The following ATAD3A variants were observed in gnomAD, a reference collection of about 807,000 sequenced individuals.
ATAD3A encodes ATPase family AAA domain-containing protein 3A.
A neutral mutation model predicts 73.8 loss-of-function variants in ATAD3A; 46 were observed. The observed-to-expected ratio is 0.62, with a 90% CI of 0.49 to 0.80. ATAD3A has a LOEUF of 0.80. ATAD3A is among the 30% of genes least tolerant of loss of function. The probability of loss-of-function intolerance (pLI) is 0.00; values close to 1 mark genes in which losing one functional copy is unlikely to be tolerated. For synonymous variants in ATAD3A, 319 were observed against 350.0 expected (o/e 0.91, Z 0.99); for missense variants, 705 against 838.0 (o/e 0.84, Z 1.96).
Position 1,530,844 on chromosome 1 carries a change from AAAAAAAAAAAACT to A in ATAD3A, c.1614+1516_1614+1528del, listed in dbSNP as rs1256501588. Among the ~76,000 whole-genome samples, 344 of 99,916 alleles carry A rather than the reference AAAAAAAAAAAACT, an allele frequency of 3.4e-3. 41 individuals are homozygous for A. The African/African-American group carries it at 0.047, about 14-fold the overall frequency. 65.5% of individuals were successfully genotyped at this position (99,916 alleles called of 152,430 possible). A position where few individuals can be genotyped will look rare whatever the true frequency, so the allele number is the denominator to read the frequency against. On this transcript the variant is annotated intron_variant, in intron 15 of 15. Coordinates refer to ENST00000378756, the MANE Select transcript of ATAD3A (RefSeq NM_001170535.3). ...ACTCCGTCTCAAAAAAAAAAAAAAA[AAAAAAAAAAAACT>A]AAGAATAATTTGGAACGAGTGCGGT...
At chr1:1,516,309 C>T (rs1309575114) in intron 2 of ATAD3A, among the ~76,000 whole-genome samples, 2 of 151,732 alleles carry the variant, frequency 1.3e-5, no homozygotes, top group South Asian at 2.1e-4. Context: ...TTGGTGAGGG[C>T]GTCTGGTCGT....
intron 1 of ATAD3A, 26 bp from the exon 2 acceptor site, chr1:1,515,986 T>C (rs1273880232): frequency 6.2e-6 from 10 of 1,613,506 alleles, no homozygotes; most frequent in African/African-American, 1.3e-5. Context: ...TCCTAACACC[T>C]GCCCTCCGTG....
intron 7 of ATAD3A, among the ~76,000 whole-genome samples, chr1:1,521,404 C>T (rs953634579): frequency 4.7e-5 from 7 of 149,850 alleles, no homozygotes; most frequent in Non-Finnish European, 1.0e-4. Context: ...TTGAAGTTCA[C>T]AGATTCTTCT....
intron 14 of ATAD3A, among the ~76,000 whole-genome samples, chr1:1,528,865 G>A (rs1318735460): frequency 3.3e-5 from 5 of 152,212 alleles, no homozygotes; most frequent in African/African-American, 4.8e-5. Flanking sequence ...ATGGCTGCTC[G>A]TAGCCCTGGC....
intron 5 of ATAD3A, among the ~76,000 whole-genome samples, chr1:1,519,832 A>T: frequency 6.6e-6 from 1 of 152,108 alleles, no homozygotes; most frequent in East Asian, 1.9e-4. Context: ...TTTCTGCCCT[A>T]ATCCATGGGC....
chr1:1,525,038 C>T (rs1213897124), intron 11 of ATAD3A, among the ~76,000 whole-genome samples: 2 of 152,200 alleles, frequency 1.3e-5, no homozygotes, highest in African/African-American at 4.8e-5. Context: ...TTTCCCACGG[C>T]CTTCTGAGGC....
chr1:1,516,464 A>T (rs1641362018), intron 2 of ATAD3A, among the ~76,000 whole-genome samples: 1 of 151,928 alleles, frequency 6.6e-6, no homozygotes, highest in East Asian at 1.9e-4. Flanking sequence ...CCCAGGCTGG[A>T]GTTCTGTGGT....
chr1:1,525,371 T>A, intron 12 of ATAD3A, 80 bp downstream of exon 12: 1 of 1,556,784 alleles, frequency 6.4e-7, no homozygotes, highest in East Asian at 2.2e-5. Context: ...TGCAGCCCTC[T>A]GTTCAGTTTC....
At position 1,520,746 on chromosome 1, in the gene ATAD3A, A is replaced by G. The variant is rs757873383; in HGVS notation, c.750+129A>G. 158 of 1,432,186 alleles carry G rather than the reference A, an allele frequency of 1.1e-4. No homozygotes were observed. The highest frequency in any genetic ancestry group is 1.5e-4 in the Non-Finnish European group (155 of 1,046,838). The allele number at this position is 1,432,186 out of a possible 1,614,324, so 88.7% of individuals were successfully genotyped here. On this transcript the variant is annotated intron_variant, in intron 7 of 15. Coordinates refer to ENST00000378756, the MANE Select transcript of ATAD3A (RefSeq NM_001170535.3). The surrounding 1 kb of genome is among the most constrained non-coding windows in gnomAD (Gnocchi z 4.0). ...AGCTCTCCCAGCAGGGAGGAAGCCCACGTTGTACCTGCTGGCCTCGGCTTC... is the reference window on the plus strand; with the variant it reads ...AGCTCTCCCAGCAGGGAGGAAGCCCGCGTTGTACCTGCTGGCCTCGGCTTC...
rs1641723658 is a variant in ATAD3A, at chr1:1,524,337, G to C, written c.1154G>C (p.Gly385Ala). 2.5e-6 allele frequency: 4 copies of C among 1,612,250 alleles called. No homozygotes were observed. In the East Asian group the frequency reaches 8.9e-5, roughly 36 times the overall value. The change falls in exon 11 of 16, where the codon GGG becomes GCG. Residue 385 changes from glycine (G) to alanine (A), a missense_variant. Physicochemically the swap from Gly to Ala is moderately conservative, Grantham distance 60. This residue lies in a region of ATAD3A where 6 missense variants were observed against 26.7 expected (regional missense o/e 0.23). Coordinates refer to ENST00000378756, the MANE Select transcript of ATAD3A (RefSeq NM_001170535.3). ...IMTGGDVAPMGREGVTAMHKL... is the reference protein window; with the variant it reads ...IMTGGDVAPMAREGVTAMHKL... ...ACAGGCGGGGACGTGGCCCCCATGG[G>C]GCGGGAAGGCGTGACCGCCATGCAC...
chr1:1,530,172 G>A (rs561486210), intron 15 of ATAD3A, among the ~76,000 whole-genome samples: 26 of 152,296 alleles, frequency 1.7e-4, no homozygotes, highest in African/African-American at 4.8e-4. Flanking sequence ...CTCAAACCCC[G>A]TCCTTGTGGG....
chr1:1,530,412 T>G (rs1398345246), intron 15 of ATAD3A, among the ~76,000 whole-genome samples: 3 of 152,184 alleles, frequency 2.0e-5, no homozygotes, highest in Non-Finnish European at 4.4e-5. Context: ...CACATGCCTG[T>G]AATGCCAGCT....
chr1:1,528,572 G>T (rs910833140), intron 14 of ATAD3A, among the ~76,000 whole-genome samples: 15 of 152,234 alleles, frequency 9.9e-5, no homozygotes, highest in African/African-American at 3.4e-4. Context: ...TGCTGGCGGT[G>T]GGTGCAGCAG....
chr1:1,512,329 C>A lies in ATAD3A; in HGVS notation c.61C>A (p.Pro21Thr). The A allele has an allele frequency of 8.1e-7, 1 of 1,240,072 alleles. No individual in the cohort carries two copies. The highest frequency in any genetic ancestry group is 1.0e-6 in the Non-Finnish European group (1 of 986,234). The allele number at this position is 1,240,072 out of a possible 1,614,324, so 76.8% of individuals were successfully genotyped here. A position where few individuals can be genotyped will look rare whatever the true frequency, so the allele number is the denominator to read the frequency against. ...PKGEGAGPPP[P>T]LPPAQPGAEG... is the part of the protein sequence containing the mutation. ...GGGTGAAGGCGCGGGGCCGCCGCCG[C>A]CTTTGCCGCCCGCGCAGCCCGGGGC... The change falls in exon 1 of 16, where the codon CCT becomes ACT. Residue 21 changes from proline (P) to threonine (T), a missense_variant. Physicochemically the swap from Pro to Thr is conservative, Grantham distance 38 (BLOSUM62 -1). Coordinates refer to ENST00000378756, the MANE Select transcript of ATAD3A (RefSeq NM_001170535.3).
chr1:1,512,654 C>G lies in ATAD3A; in HGVS notation c.205+181C>G, dbSNP rs761068091. On this transcript the variant is annotated intron_variant, in intron 1 of 15. Coordinates refer to ENST00000378756, the MANE Select transcript of ATAD3A (RefSeq NM_001170535.3). ...CGGGAGGATCGGACTCTTTCCGTCA[C>G]CCGTTTGCACCTCTGCAGCTGTCAG... is the stretch of plus-strand genomic sequence containing the variant. 5.1e-6 allele frequency: 7 copies of G among 1,381,832 alleles called. No individual in the cohort carries two copies. In the South Asian group the frequency reaches 8.9e-5, roughly 18 times the overall value. 85.6% of individuals were successfully genotyped at this position (1,381,832 alleles called of 1,614,324 possible).
rs756377652 is a variant in ATAD3A, at chr1:1,534,018, G to A, written c.1707G>A (p.Met569Ile). 5 of 1,613,570 alleles carry A rather than the reference G, an allele frequency of 3.1e-6. No homozygotes were observed. Among genetic ancestry groups the A allele is most frequent in the South Asian group, 2.2e-5 (2 of 91,096 alleles). The change falls in exon 16 of 16, where the codon ATG (methionine) becomes ATA (isoleucine). Residue 569 changes from methionine to isoleucine, a missense_variant. Around this residue, in one of 5 missense-constraint regions of ATAD3A, gnomAD observed 252 missense variants for 278.5 expected, o/e 0.90. Transcript: ENST00000378756. ...QDAVQQHQQK[M>I]CWLKAEGPGR... Reference sequence around the variant, plus strand: ...CTGTCCAGCAGCACCAGCAGAAGATGTGCTGGCTGAAGGCGGAAGGGCCTG... The same window carrying A: ...CTGTCCAGCAGCACCAGCAGAAGATATGCTGGCTGAAGGCGGAAGGGCCTG...
chr1:1,520,391 C>T lies in ATAD3A; in HGVS notation c.680+85C>T, dbSNP rs1050943267. 32 of 1,592,558 alleles carry T rather than the reference C, an allele frequency of 2.0e-5. No individual in the cohort carries two copies. The highest frequency in any genetic ancestry group is 2.7e-5 in the Non-Finnish European group (31 of 1,166,446). Reference sequence around the variant, plus strand: ...GTCCCAGGGCGCTCTCCAGCTCTTCCAGGCCTTGCCGCCGTAGGCTGACTC... The same window carrying T: ...GTCCCAGGGCGCTCTCCAGCTCTTCTAGGCCTTGCCGCCGTAGGCTGACTC... On this transcript the variant is annotated intron_variant, in intron 6 of 15. Coordinates refer to ENST00000378756, the MANE Select transcript of ATAD3A (RefSeq NM_001170535.3). The surrounding 1 kb of genome is among the most constrained non-coding windows in gnomAD (Gnocchi z 4.0).
At chr1:1,526,959 G>T (rs1044457001) in intron 13 of ATAD3A, among the ~76,000 whole-genome samples, 3 of 152,130 alleles carry the variant, frequency 2.0e-5, no homozygotes, top group African/African-American at 7.2e-5. Flanking sequence ...CTGTGTGTCG[G>T]GGCGGAACCT....
At chr1:1,517,217 T>C (rs1412121206) in intron 2 of ATAD3A, 94 bp from the exon 3 acceptor site, 19 of 1,544,670 alleles carry the variant, frequency 1.2e-5, no homozygotes, top group Admixed American at 2.0e-5. Context: ...GGGCATGGAG[T>C]CTCTGCCGTG....
Sources: allele counts gnomAD v4.1 joint callset (sites outside exome capture counted in the v4.1 genomes callset), GRCh38; gene constraint gnomAD v4.1.1; regional missense constraint gnomAD v4.1.1; non-coding constraint Gnocchi (gnomAD v3.1); transcripts MANE v1.5; gene names NCBI Gene and HGNC (gene_info 2026-07-23, HGNC 2026-07-21).